Variants in RARB observed in about 807,000 individuals in gnomAD.
RARB encodes the protein retinoic acid receptor beta, also known as HBV-activated protein.
Under a neutral mutation model 51.9 loss-of-function variants are expected in RARB, and 17 were observed. The ratio of observed to expected loss-of-function variants is 0.33; its 90% CI spans 0.22 to 0.49. The LOEUF (loss-of-function observed/expected upper bound fraction) is 0.49, where lower values mean the gene tolerates loss of function less well. Ranked by LOEUF, RARB falls within the 20% of genes least tolerant of loss-of-function variation. The pLI, the probability that RARB is intolerant of heterozygous loss-of-function variation, is 0.99. For synonymous variants in RARB, 215 were observed against 195.4 expected, an observed-to-expected ratio of 1.10 and a Z score of -0.84; for missense variants, 369 against 550.8, an observed-to-expected ratio of 0.67 and a Z score of 3.30.
chr3:25,552,916 A>G (rs76569373), intron 3 of RARB, among the ~76,000 whole-genome samples: 2,903 of 152,276 alleles, frequency 0.019, 85 homozygotes, highest in African/African-American at 0.064. Flanking sequence ...TTTATGTAGC[A>G]GATCTGTTTA....
At chr3:25,400,308 A>G (rs991965187) in intron 5 of RARB, among the ~76,000 whole-genome samples, 3 of 152,184 alleles carry the variant, frequency 2.0e-5, no homozygotes, top group African/African-American at 7.2e-5. Flanking sequence ...AAGAATAATT[A>G]TTATTATATG....
intron 2 of RARB, among the ~76,000 whole-genome samples, chr3:25,044,577 TG>T (rs1458127481): frequency 6.6e-6 from 1 of 152,164 alleles, no homozygotes; most frequent in African/African-American, 2.4e-5. Context: ...CTAGGAGTCG[TG>T]GTACATGGCC....
intron 2 of RARB, among the ~76,000 whole-genome samples, chr3:24,887,099 C>G (rs1167752894): frequency 6.6e-6 from 1 of 152,140 alleles, no homozygotes; most frequent in East Asian, 1.9e-4. Flanking sequence ...CCTGAAGATT[C>G]AGCTTTCATA....
chr3:25,329,501 C>G (rs553923494), intron 5 of RARB, among the ~76,000 whole-genome samples: 12 of 151,280 alleles, frequency 7.9e-5, no homozygotes, highest in Non-Finnish European at 3.0e-5. Flanking sequence ...CAAAACCCCA[C>G]CTATATATCA....
At chr3:25,137,689 C>T (rs1323028167) in intron 4 of RARB, among the ~76,000 whole-genome samples, 5 of 151,938 alleles carry the variant, frequency 3.3e-5, no homozygotes, top group African/African-American at 1.2e-4. Flanking sequence ...CATTGAAGGC[C>T]TCTTTGTTGC....
chr3:25,246,197 G>A (rs1386112246), intron 5 of RARB, among the ~76,000 whole-genome samples: 1 of 151,956 alleles, frequency 6.6e-6, no homozygotes, highest in Non-Finnish European at 1.5e-5. Context: ...CTCTAAACTA[G>A]TTATTCCAGT....
At chr3:25,204,666 C>G (rs1279972939) in intron 5 of RARB, among the ~76,000 whole-genome samples, 2 of 152,192 alleles carry the variant, frequency 1.3e-5, no homozygotes, top group African/African-American at 4.8e-5. Context: ...AGCTGCAGGT[C>G]TGTTGGAGTT....
intron 1 of RARB, among the ~76,000 whole-genome samples, chr3:24,845,372 A>G (rs1233198782): frequency 6.6e-6 from 1 of 152,248 alleles, no homozygotes; most frequent in East Asian, 1.9e-4. Flanking sequence ...AAGAAGGATT[A>G]TTCCACACAG....
At chr3:25,532,437 A>C (rs184541747) in intron 3 of RARB, among the ~76,000 whole-genome samples, 1 of 152,230 alleles carries the variant, frequency 6.6e-6, no homozygotes, top group East Asian at 1.9e-4. Context: ...AAGCTGTTAA[A>C]AAACAAATAG....
intron 5 of RARB, among the ~76,000 whole-genome samples, chr3:25,274,732 A>G (rs1296304731): frequency 6.6e-6 from 1 of 152,156 alleles, no homozygotes; most frequent in South Asian, 2.1e-4. Flanking sequence ...ATGTCCCCTT[A>G]TTCTGGGACC....
chr3:24,872,432 C>G (rs895195084), intron 2 of RARB, among the ~76,000 whole-genome samples: 1 of 152,182 alleles, frequency 6.6e-6, no homozygotes, highest in Non-Finnish European at 1.5e-5. Context: ...ATACCTGAGA[C>G]TGGGTAATTT....
chr3:25,434,072 C>T (rs1215895437), intron 1 of RARB, among the ~76,000 whole-genome samples: 3 of 152,152 alleles, frequency 2.0e-5, no homozygotes, highest in African/African-American at 7.2e-5. Flanking sequence ...CGCGATAAGG[C>T]GAGGATAACA....
intron 5 of RARB, among the ~76,000 whole-genome samples, chr3:25,192,266 C>T (rs1701121534): frequency 6.6e-6 from 1 of 152,080 alleles, no homozygotes; most frequent in African/African-American, 2.4e-5. Flanking sequence ...TGAGGCATCT[C>T]ATAAGCTATT....
chr3:24,894,616 T>C (rs907785835), intron 2 of RARB, among the ~76,000 whole-genome samples: 1 of 152,320 alleles, frequency 6.6e-6, no homozygotes, highest in Middle Eastern at 3.4e-3. Flanking sequence ...TTTATTCTTT[T>C]GAATATATAC....
At chr3:25,076,225 C>T (rs996424069) in intron 3 of RARB, among the ~76,000 whole-genome samples, 1 of 151,832 alleles carries the variant, frequency 6.6e-6, no homozygotes, top group Non-Finnish European at 1.5e-5. Flanking sequence ...ACCGCAAGCT[C>T]CGCCTCCCGG....
intron 4 of RARB, among the ~76,000 whole-genome samples, chr3:25,153,877 A>G (rs1029460017): frequency 1.1e-4 from 17 of 152,176 alleles, no homozygotes; most frequent in East Asian, 1.9e-4. Flanking sequence ...TCTGTTCACA[A>G]TATTCTCAAT....
chr3:24,905,964 T>C (rs1425125366), intron 2 of RARB, among the ~76,000 whole-genome samples: 1 of 152,268 alleles, frequency 6.6e-6, no homozygotes, highest in Non-Finnish European at 1.5e-5. Context: ...GACAGTGAAC[T>C]CTTTGATATT....
intron 5 of RARB, among the ~76,000 whole-genome samples, chr3:25,416,884 C>A (rs1328861532): frequency 6.6e-6 from 1 of 152,188 alleles, no homozygotes; most frequent in Non-Finnish European, 1.5e-5. Context: ...TCCTCTGTTA[C>A]TGTTGTGGTA....
At chr3:25,527,223 G>C (rs1230024916) in intron 3 of RARB, among the ~76,000 whole-genome samples, 1 of 152,152 alleles carries the variant, frequency 6.6e-6, no homozygotes, top group South Asian at 2.1e-4. Context: ...TGAGCAGCAC[G>C]GGCTTAGAGC....
Sources: gnomAD v4.1 joint callset for allele counts (sites outside exome capture counted in the v4.1 genomes callset) on GRCh38, gnomAD v4.1.1 for gene constraint, MANE v1.5 for transcripts, NCBI Gene and HGNC (gene_info 2026-07-23, HGNC 2026-07-21) for gene names.